The following ZFP2 variants were observed in gnomAD, a reference collection of about 807,000 sequenced individuals.
ZFP2 encodes zinc finger protein ZFP2.
Under a neutral mutation model 36.1 loss-of-function variants are expected in ZFP2, and 33 were observed. That is an observed-to-expected ratio of 0.92 (90% CI 0.69 to 1.22). The LOEUF (loss-of-function observed/expected upper bound fraction) is 1.22, where lower values mean the gene tolerates loss of function less well. Ranked by LOEUF, ZFP2 falls within the 50% of genes most tolerant of loss-of-function variation. The pLI is 0.00. For missense variants in ZFP2, 522 were observed against 551.4 expected, an observed-to-expected ratio of 0.95 and a Z score of 0.53; for synonymous variants, 170 against 178.0, an observed-to-expected ratio of 0.96 and a Z score of 0.36.
intron 4 of ZFP2, among the ~76,000 whole-genome samples, chr5:178,926,898 T>G (rs1407342292): frequency 6.6e-6 from 1 of 152,228 alleles, no homozygotes; most frequent in Non-Finnish European, 1.5e-5. Context: ...AAGTGGAGCC[T>G]GGTTGTCTTT....
chr5:178,925,173 A>G (rs1259613925), intron 4 of ZFP2, among the ~76,000 whole-genome samples: 1 of 147,004 alleles, frequency 6.8e-6, no homozygotes, highest in Non-Finnish European at 1.5e-5. Context: ...ATATATACAT[A>G]TACATATATA....
chr5:178,913,542 G>A (rs968081601), intron 3 of ZFP2, among the ~76,000 whole-genome samples: 7 of 152,254 alleles, frequency 4.6e-5, no homozygotes, highest in Non-Finnish European at 7.3e-5. Flanking sequence ...TGCATTGTGT[G>A]AGAGAGTTTT....
chr5:178,898,702 T>TC (rs1375580397), intron 1 of ZFP2, among the ~76,000 whole-genome samples: 3 of 151,940 alleles, frequency 2.0e-5, no homozygotes, highest in African/African-American at 7.3e-5. Flanking sequence ...CTCTCAAACC[T>TC]CCCCCTTCCT....
rs759607274 is a variant in ZFP2 at position 178,931,268 on chromosome 5, A to G, written c.-46A>G. 1 of 1,525,060 alleles carries G rather than the reference A, an allele frequency of 6.6e-7. No individual in the cohort carries two copies. The highest frequency in any genetic ancestry group is 2.3e-5 in the East Asian group (1 of 44,038). 94.5% of individuals were successfully genotyped at this position (1,525,060 alleles called of 1,614,324 possible). On this transcript the variant is annotated 5_prime_UTR_variant, in exon 5 of 5. Coordinates refer to ENST00000361362, the MANE Select transcript of ZFP2 (RefSeq NM_030613.4). ...AGACAAGACTTGAAACCAAAGAGCC[A>G]ACTCCGAAGCCGGGTATTACTGAAG...
intron 1 of ZFP2, among the ~76,000 whole-genome samples, chr5:178,905,725 G>T (rs2113062407): frequency 6.6e-6 from 1 of 152,096 alleles, no homozygotes; most frequent in Non-Finnish European, 1.5e-5. Flanking sequence ...ATATTACTAA[G>T]TTCCATGTTC....
intron 4 of ZFP2, chr5:178,922,520 A>G: frequency 2.2e-6 from 3 of 1,389,240 alleles, no homozygotes; most frequent in Non-Finnish European, 3.1e-6. Context: ...CATATGGGAG[A>G]ATAGTCTCCA....
At chr5:178,903,943 A>G (rs1328944976) in intron 1 of ZFP2, among the ~76,000 whole-genome samples, 3 of 152,172 alleles carry the variant, frequency 2.0e-5, no homozygotes, top group African/African-American at 7.2e-5. Flanking sequence ...GTGAGCCAAG[A>G]TTGTGCCACT....
Position 178,932,803 on chromosome 5 carries a change from T to C in ZFP2, c.*104T>C. 2.2e-6 allele frequency: 3 copies of C among 1,372,644 alleles called. No homozygotes were observed. The highest frequency in any genetic ancestry group is 2.9e-6 in the Non-Finnish European group (3 of 1,023,044). 85.0% of individuals were successfully genotyped at this position (1,372,644 alleles called of 1,614,324 possible). On this transcript the variant is annotated 3_prime_UTR_variant, in exon 5 of 5. Coordinates refer to ENST00000361362, the MANE Select transcript of ZFP2 (RefSeq NM_030613.4). ...TAAATGTAATGATTGTGGGAATCTT[T>C]CAGTTGAAGTACAATATGTCATATC...
chr5:178,904,483 G>A (rs1039843004), intron 1 of ZFP2, among the ~76,000 whole-genome samples: 8 of 151,912 alleles, frequency 5.3e-5, no homozygotes, highest in Admixed American at 3.9e-4. Context: ...CTCACTCTCC[G>A]TGGACTTGAA....
intron 1 of ZFP2, among the ~76,000 whole-genome samples, chr5:178,904,655 A>G (rs977565663): frequency 6.8e-6 from 1 of 146,802 alleles, no homozygotes; most frequent in African/African-American, 2.5e-5. Flanking sequence ...TTTCTGTTGT[A>G]GTACCACACT....
At position 178,913,001 on chromosome 5, in the gene ZFP2, C is replaced by G. The variant is rs1758328060; in HGVS notation, c.-294C>G. ...AAGCAGGAAATCACCTTTCCAAACC[C>G]AATGGGACTTCCCAGCTGGAACGAG... On this transcript the variant is annotated 5_prime_UTR_variant, in exon 3 of 5. Transcript: ENST00000361362. The G allele has an allele frequency of 2.0e-6, 2 of 985,908 alleles. No individual in the cohort carries two copies. Among genetic ancestry groups the G allele is most frequent in the Non-Finnish European group, 2.4e-6 (2 of 829,966 alleles). 61.1% of individuals were successfully genotyped at this position (985,908 alleles called of 1,614,324 possible).
intron 4 of ZFP2, among the ~76,000 whole-genome samples, chr5:178,926,555 C>T (rs1466510076): frequency 6.0e-5 from 9 of 150,750 alleles, no homozygotes; most frequent in East Asian, 1.9e-4. Context: ...CTCGCTGTGT[C>T]GCCCAGGCTG....
intron 1 of ZFP2, among the ~76,000 whole-genome samples, chr5:178,905,270 T>A (rs1257173964): frequency 6.6e-6 from 1 of 151,920 alleles, no homozygotes; most frequent in Admixed American, 6.5e-5. Flanking sequence ...CCTTTAACTC[T>A]TTACAGACCA....
Position 178,930,050 on chromosome 5 carries a change from ATAAC to A in ZFP2, c.-77-1186_-77-1183del, listed in dbSNP as rs149521720. ...GGAGGGAGGTGTTACACACTTGTAA[ATAAC>A]CACATCTCACAAGAACTCACTCATG... On this transcript the variant is annotated intron_variant, in intron 4 of 4. Coordinates refer to ENST00000361362, the MANE Select transcript of ZFP2 (RefSeq NM_030613.4). 7.3e-3 allele frequency among the ~76,000 whole-genome samples: 1,104 copies of A among 151,756 alleles called. 48 individuals are homozygous for A. The East Asian group carries it at 0.11, about 15-fold the overall frequency.
intron 1 of ZFP2, among the ~76,000 whole-genome samples, chr5:178,899,489 G>A (rs1287774484): frequency 1.3e-5 from 2 of 152,016 alleles, no homozygotes; most frequent in Non-Finnish European, 2.9e-5. Flanking sequence ...GGACTGAAGG[G>A]GGCAGTGACT....
chr5:178,927,065 A>G (rs1758689733), intron 4 of ZFP2, among the ~76,000 whole-genome samples: 1 of 152,186 alleles, frequency 6.6e-6, no homozygotes, highest in African/African-American at 2.4e-5. Context: ...GCAATCGGAA[A>G]GCTGATTCTC....
chr5:178,915,051 C>G (rs1758389357), intron 3 of ZFP2, among the ~76,000 whole-genome samples: 1 of 152,172 alleles, frequency 6.6e-6, no homozygotes, highest in African/African-American at 2.4e-5. Flanking sequence ...TCTTAAATAG[C>G]AGTCTTTCTA....
intron 4 of ZFP2, among the ~76,000 whole-genome samples, chr5:178,918,611 C>G (rs969970913): frequency 2.0e-5 from 3 of 152,024 alleles, no homozygotes; most frequent in Non-Finnish European, 4.4e-5. Context: ...TTATATAAAT[C>G]CTATAAGTTA....
In ZFP2 at chr5:178,897,377, C is replaced by T. The variant is rs192569108; in HGVS notation, c.-450+1403C>T. On this transcript the variant is annotated intron_variant, in intron 1 of 4. Coordinates refer to ENST00000361362, the MANE Select transcript of ZFP2 (RefSeq NM_030613.4). ...TTGTATTTTAATTTTGTATCTGATACATAAGCATGTTTCCTGACTGTGCAG... is the reference window on the plus strand; with the variant it reads ...TTGTATTTTAATTTTGTATCTGATATATAAGCATGTTTCCTGACTGTGCAG... 1.4e-4 allele frequency among the ~76,000 whole-genome samples: 21 copies of T among 152,288 alleles called. No homozygotes were observed. The East Asian group carries it at 3.1e-3, about 22-fold the overall frequency.
Sources: allele counts gnomAD v4.1 joint callset (sites outside exome capture counted in the v4.1 genomes callset), GRCh38; gene constraint gnomAD v4.1.1; transcripts MANE v1.5; gene names NCBI Gene and HGNC (gene_info 2026-07-23, HGNC 2026-07-21).